ZFAND5: variants seen among roughly 807,000 people sequenced by gnomAD.
ZFAND5 encodes the protein AN1-type zinc finger protein 5.
In ZFAND5, 4 loss-of-function variants were observed where a neutral mutation model predicts 23.6. The observed-to-expected ratio is 0.17, with a 90% CI of 0.08 to 0.39. The LOEUF (loss-of-function observed/expected upper bound fraction) is 0.39. Ranked by LOEUF, ZFAND5 falls within the 10% of genes least tolerant of loss-of-function variation. The pLI is 1.00. For synonymous variants in ZFAND5, 68 were observed against 80.6 expected (o/e 0.84, Z 0.84); for missense variants, 161 against 253.7 (o/e 0.63, Z 2.48).
chr9:72,356,272 CTA>C (rs1419192840), intron 6 of ZFAND5, among the ~76,000 whole-genome samples, 171 bp from the exon 7 acceptor site: 2 of 152,218 alleles, frequency 1.3e-5, no homozygotes, highest in Admixed American at 1.3e-4. Flanking sequence ...CTTACAGAGT[CTA>C]TCACGTTAAC....
intron 2 of ZFAND5, among the ~76,000 whole-genome samples, chr9:72,362,008 G>C (rs1261444029): frequency 1.3e-5 from 2 of 152,120 alleles, no homozygotes; most frequent in Non-Finnish European, 2.9e-5. Context: ...ATGGGAGAAG[G>C]GGACTAACCA....
At position 72,364,567 on chromosome 9, in the gene ZFAND5, C is replaced by T. The variant is rs752265040; in HGVS notation, c.-147+129G>A. On this transcript the variant is annotated intron_variant, in intron 1 of 6. Transcript: ENST00000376962. Reference sequence around the variant, plus strand: ...CCTGGGCTGGCGGGCGGGCTCCCCTCCCCCGGACGCCGCCATCCGCGGCCT... The same window carrying T: ...CCTGGGCTGGCGGGCGGGCTCCCCTTCCCCGGACGCCGCCATCCGCGGCCT... The T allele has an allele frequency of 7.9e-6, 10 of 1,260,014 alleles. 1 individual carries two copies. The South Asian group carries it at 1.1e-4, about 14-fold the overall frequency. The allele number at this position is 1,260,014 out of a possible 1,614,324, so 78.1% of individuals were successfully genotyped here.
intron 5 of ZFAND5, among the ~76,000 whole-genome samples, chr9:72,357,313 A>G (rs889989668): frequency 2.0e-5 from 3 of 152,176 alleles, no homozygotes; most frequent in Non-Finnish European, 4.4e-5. Context: ...AATTCCTTTA[A>G]AACACTGGTA....
rs1403195221 is a variant in ZFAND5 at position 72,357,034 on chromosome 9, T to C, written c.390A>G (p.Ser130=). 2 of 1,613,486 alleles carry C rather than the reference T, an allele frequency of 1.2e-6. No homozygotes were observed. The highest frequency in any genetic ancestry group is 2.2e-5 in the East Asian group (1 of 44,872). The change falls in exon 6 of 7, where the codon TCA becomes TCG. Residue 130 remains serine, a synonymous_variant. Coordinates refer to ENST00000376962, the MANE Select transcript of ZFAND5 (RefSeq NM_001102420.3). ...SEPVVTQPSP[S]VSQPSTSQSE... ...TCTGAGAAGTACTGGGCTGAGAAAC[T>C]GATGGACTGGGCTGAGTGACAACTG...
At chr9:72,356,130 G>C in intron 6 of ZFAND5, 29 bp from the exon 7 acceptor site, 1 of 1,585,358 alleles carries the variant, frequency 6.3e-7, no homozygotes, top group Non-Finnish European at 8.5e-7. Flanking sequence ...AGAGTCATTT[G>C]AGAACTTGAG....
rs1399507066 is a variant in ZFAND5 at position 72,355,720 on chromosome 9, G to C, written c.*233C>G. 2.8e-6 allele frequency: 1 copy of C among 353,844 alleles called. No individual in the cohort carries two copies. The highest frequency in any genetic ancestry group is 2.1e-5 in the African/African-American group (1 of 47,332). The allele number at this position is 353,844 out of a possible 1,614,324, so 21.9% of individuals were successfully genotyped here. ...TCTGTGTGTTTCACTTTGCTGTGCA[G>C]ATTTTCATCCAATTTTTTTCAGGGG... On this transcript the variant is annotated 3_prime_UTR_variant, in exon 7 of 7. Transcript: ENST00000376962.
In ZFAND5 at chr9:72,354,049, TAC is replaced by T. The variant is rs1460085904; in HGVS notation, c.*1902_*1903del. 2 of 152,194 alleles carry T rather than the reference TAC, an allele frequency of 1.3e-5. No individual in the cohort carries two copies. Among genetic ancestry groups the T allele is most frequent in the Admixed American group, 1.3e-4 (2 of 15,286 alleles). The allele number at this position is 152,194 out of a possible 1,614,324, so 9.4% of individuals were successfully genotyped here. On this transcript the variant is annotated 3_prime_UTR_variant, in exon 7 of 7. Transcript: ENST00000376962. The stretch of plus-strand genomic sequence containing the variant: ...GTTCTTTATGATCTGGCATAAACGC[TAC>T]AGAGACCAAGTCCATGGGTGAATCT...
At chr9:72,360,270 C>A in intron 3 of ZFAND5, 49 bp from the exon 4 acceptor site, 1 of 1,450,120 alleles carries the variant, frequency 6.9e-7, no homozygotes, top group South Asian at 1.2e-5. Flanking sequence ...TACAAAAACT[C>A]ACTTAGTATC....
rs1841864369 is a variant in ZFAND5 at position 72,354,110 on chromosome 9, A to G, written c.*1843T>C. 6.6e-6 allele frequency: 1 copy of G among 152,192 alleles called. No homozygotes were observed. 9.4% of individuals were successfully genotyped at this position (152,192 alleles called of 1,614,324 possible). ...GAGCCAAACCCAAAACAGAAATAAA[A>G]CAGAACTCTTTTTGTAAACTAAGTC... On this transcript the variant is annotated 3_prime_UTR_variant, in exon 7 of 7. Transcript: ENST00000376962.
chr9:72,359,519 T>C lies in ZFAND5; in HGVS notation c.266A>G (p.Asn89Ser). 1.9e-6 allele frequency: 3 copies of C among 1,613,380 alleles called. No homozygotes were observed. The highest frequency in any genetic ancestry group is 1.7e-6 in the Non-Finnish European group (2 of 1,179,586). ...AAGSTSEKSR[N>S]VPVAALPVTQ... ...TACAGGCAAGGCAGCCACAGGCACA[T>C]TTCTATTTGAGTTCAAGCAAACAAT... The change falls in exon 5 of 7, where the codon AAT (asparagine) becomes AGT (serine). Residue 89 changes from asparagine to serine, a missense_variant and splice_region_variant. Asn to Ser is a conservative substitution (Grantham distance 46). This residue lies in a region of ZFAND5 where 116 missense variants were observed against 115.2 expected (regional missense o/e 1.01). Coordinates refer to ENST00000376962, the MANE Select transcript of ZFAND5 (RefSeq NM_001102420.3).
At chr9:72,360,289 G>T in intron 3 of ZFAND5, 68 bp from the exon 4 acceptor site, 1 of 1,307,160 alleles carries the variant, frequency 7.7e-7, no homozygotes, top group Non-Finnish European at 1.1e-6. Context: ...TCAAGACGTA[G>T]TAATAAATAC....
In ZFAND5 at chr9:72,355,497, T is replaced by C. The variant is rs1218179838; in HGVS notation, c.*456A>G. 6.5e-6 allele frequency: 1 copy of C among 152,856 alleles called. No homozygotes were observed. Among genetic ancestry groups the C allele is most frequent in the African/African-American group, 2.4e-5 (1 of 41,436 alleles). 9.5% of individuals were successfully genotyped at this position (152,856 alleles called of 1,614,324 possible). On this transcript the variant is annotated 3_prime_UTR_variant, in exon 7 of 7. Transcript: ENST00000376962. ...TGCTTCCAAAGAATATGTTGTGAAATTAAAGAGGGTGAAGTTTAACTATGG... is the reference window on the plus strand; with the variant it reads ...TGCTTCCAAAGAATATGTTGTGAAACTAAAGAGGGTGAAGTTTAACTATGG...
At chr9:72,357,118 AAG>A in intron 5 of ZFAND5, 62 bp from the exon 6 acceptor site, 1 of 1,582,360 alleles carries the variant, frequency 6.3e-7, no homozygotes, top group Non-Finnish European at 8.6e-7. Flanking sequence ...TAAGTCAAAA[AAG>A]GAAGTATTTA....
At chr9:72,360,283 G>C in intron 3 of ZFAND5, 62 bp from the exon 4 acceptor site, 1 of 1,356,750 alleles carries the variant, frequency 7.4e-7, no homozygotes, top group Non-Finnish European at 1.0e-6. Flanking sequence ...TTAGTATCAA[G>C]ACGTAGTAAT....
chr9:72,357,161 T>A (rs1841967431), intron 5 of ZFAND5, 105 bp from the exon 6 acceptor site: 1 of 1,325,574 alleles, frequency 7.5e-7, no homozygotes. Context: ...GATAAAAATG[T>A]TTATAAGTAT....
At chr9:72,356,528 C>T (rs1439321084) in intron 6 of ZFAND5, among the ~76,000 whole-genome samples, 1 of 152,120 alleles carries the variant, frequency 6.6e-6, no homozygotes, top group Non-Finnish European at 1.5e-5. Context: ...AAACACAGTC[C>T]TACCATATCT....
In ZFAND5 at chr9:72,351,578, T is replaced by C. The variant is rs1841770178; in HGVS notation, c.*4375A>G. 9.7e-6 allele frequency: 1 copy of C among 103,080 alleles called. No homozygotes were observed. Among genetic ancestry groups the C allele is most frequent in the Admixed American group, 1.2e-4 (1 of 8,042 alleles). The allele number at this position is 103,080 out of a possible 1,614,324, so 6.4% of individuals were successfully genotyped here. On this transcript the variant is annotated 3_prime_UTR_variant, in exon 7 of 7. Coordinates refer to ENST00000376962, the MANE Select transcript of ZFAND5 (RefSeq NM_001102420.3). ...TATAAAATATTAAATGGCACTTTTG[T>C]ATTCTGTTGTACTTTTTTTTTTTTT... is the stretch of plus-strand genomic sequence containing the variant.
At chr9:72,360,314 G>A (rs1842062835) in intron 3 of ZFAND5, 93 bp from the exon 4 acceptor site, 6 of 1,111,374 alleles carry the variant, frequency 5.4e-6, no homozygotes, top group African/African-American at 1.6e-5. Flanking sequence ...ATTTAATTAG[G>A]TTAGTGATAT....
chr9:72,361,314 G>A (rs1842092340), intron 2 of ZFAND5, among the ~76,000 whole-genome samples: 1 of 151,890 alleles, frequency 6.6e-6, no homozygotes, highest in African/African-American at 2.4e-5. Flanking sequence ...ACTTTTTAAT[G>A]CTGAAACATC....
Sources: allele counts gnomAD v4.1 joint callset (sites outside exome capture counted in the v4.1 genomes callset), GRCh38; gene constraint gnomAD v4.1.1; regional missense constraint gnomAD v4.1.1; transcripts MANE v1.5; gene names NCBI Gene and HGNC (gene_info 2026-07-23, HGNC 2026-07-21).